Variants in ZPBP observed in about 807,000 individuals in gnomAD.
ZPBP encodes zona pellucida binding protein, also known as zona pellucida-binding protein 1.
ZPBP carries 26 observed loss-of-function variants against 44.8 expected under a neutral mutation model. That is an observed-to-expected ratio of 0.58 (90% CI 0.43 to 0.81). The LOEUF (loss-of-function observed/expected upper bound fraction) is 0.81. Ranked by LOEUF, ZPBP falls within the 30% of genes least tolerant of loss-of-function variation. ZPBP has a pLI of 0.00. For missense variants in ZPBP, 409 were observed against 434.0 expected (o/e 0.94, Z 0.51); for synonymous variants, 174 against 153.2 (o/e 1.14, Z -1.00).
intron 2 of ZPBP, among the ~76,000 whole-genome samples, chr7:49,883,479 C>T (rs946136902): frequency 5.3e-5 from 8 of 152,226 alleles, no homozygotes; most frequent in Admixed American, 2.6e-4. Context: ...TAGATTTAAA[C>T]TAACTCAGGG....
chr7:49,850,995 T>C (rs1347731508), intron 2 of ZPBP, among the ~76,000 whole-genome samples: 1 of 152,160 alleles, frequency 6.6e-6, no homozygotes, highest in African/African-American at 2.4e-5. Context: ...TTAAGGAATG[T>C]CAGTTTACTC....
downstream of ZPBP, among the ~76,000 whole-genome samples, chr7:49,936,548 C>T (rs542392104): frequency 8.3e-4 from 126 of 152,216 alleles, 1 homozygote; most frequent in Middle Eastern, 6.8e-3. Context: ...CATTTACAAA[C>T]GTTTATGTCT....
At chr7:49,916,817 G>A (rs1793749322) in intron 1 of ZPBP, 1 of 152,114 alleles carries the variant, frequency 6.6e-6, no homozygotes. Flanking sequence ...AAATATCTAA[G>A]TCACAGAACC....
intron 1 of ZPBP, among the ~76,000 whole-genome samples, chr7:49,924,848 C>G (rs1794171566): frequency 6.6e-6 from 1 of 152,170 alleles, no homozygotes; most frequent in Non-Finnish European, 1.5e-5. Context: ...AGGAACGACA[C>G]CCCAGTCTGT....
At chr7:50,055,695 T>C (rs1800908357) in intron 4 of ZPBP, among the ~76,000 whole-genome samples, 1 of 152,160 alleles carries the variant, frequency 6.6e-6, no homozygotes, top group South Asian at 2.1e-4. Flanking sequence ...ATTATATAAA[T>C]ATGGATTTTG....
At chr7:49,850,473 AG>A (rs1219849761), downstream of ZPBP, 1 of 152,242 alleles carries the variant, frequency 6.6e-6, no homozygotes, top group African/African-American at 2.4e-5. Context: ...AAGGAGTGGT[AG>A]CTTAGGCACA....
chr7:49,859,068 T>C (rs1033900359), intron 2 of ZPBP, among the ~76,000 whole-genome samples: 3 of 152,254 alleles, frequency 2.0e-5, no homozygotes, highest in South Asian at 2.1e-4. Flanking sequence ...TTGTTTTACA[T>C]TGTGGCCCAT....
At chr7:49,904,738 T>TG (rs1216842355) in intron 1 of ZPBP, among the ~76,000 whole-genome samples, 2 of 145,568 alleles carry the variant, frequency 1.4e-5, no homozygotes, top group East Asian at 3.9e-4. Flanking sequence ...ATATATTAAT[T>TG]TTTTTTTTTT....
rs184237432 is a variant in ZPBP at position 50,069,061 on chromosome 7, G to A, written c.335-10920C>T. 2.8e-3 allele frequency among the ~76,000 whole-genome samples: 431 copies of A among 152,266 alleles called. 2 individuals carry two copies. The highest frequency in any genetic ancestry group is 9.3e-3 in the African/African-American group (388 of 41,540). ...AGAGGCATAAGCATAACTTGGGCACGGCCAGATCTGAGACGGCCTGCCTGA... is the reference window on the plus strand; with the variant it reads ...AGAGGCATAAGCATAACTTGGGCACAGCCAGATCTGAGACGGCCTGCCTGA... On this transcript the variant is annotated intron_variant, in intron 3 of 7. Transcript: ENST00000046087.
intron 3 of ZPBP, among the ~76,000 whole-genome samples, chr7:50,063,385 C>T (rs79150178): frequency 2.0e-5 from 3 of 152,228 alleles, no homozygotes. Context: ...TATTTGCCAT[C>T]TCTTTGCGGA....
At position 50,041,224 on chromosome 7, in the gene ZPBP, G is replaced by C. The variant is rs1584102389; in HGVS notation, c.488-9914C>G. The stretch of plus-strand genomic sequence containing the variant: ...GCACCTGGGGGAAGGGGCAGCTGCG[G>C]GTGCAGCTTCAGCAGGCTTAACCGC... On this transcript the variant is annotated intron_variant, in intron 4 of 7. Coordinates refer to ENST00000046087, the MANE Select transcript of ZPBP (RefSeq NM_007009.3). 2.6e-5 allele frequency among the ~76,000 whole-genome samples: 4 copies of C among 152,278 alleles called. No homozygotes were observed. In the South Asian group the frequency reaches 8.3e-4, roughly 32 times the overall value.
rs1800211404 is a variant in ZPBP, at chr7:50,043,844, C to T, written c.488-12534G>A. 3.3e-5 allele frequency among the ~76,000 whole-genome samples: 5 copies of T among 152,148 alleles called. No homozygotes were observed. The South Asian group carries it at 6.2e-4, about 19-fold the overall frequency. On this transcript the variant is annotated intron_variant, in intron 4 of 7. Coordinates refer to ENST00000046087, the MANE Select transcript of ZPBP (RefSeq NM_007009.3). ...AACAGACATCTACAGAACTCTCCAC[C>T]CCACATCAACAGAATATACATCCTT...
Position 49,987,863 on chromosome 7 carries a change from A to T in ZPBP, c.784-4344T>A, listed in dbSNP as rs151289924. ...TTAAAAGGAAAATAAAAGCTGTGGG[A>T]CCTTTTAGTTCACGTGACATTAATT... On this transcript the variant is annotated intron_variant, in intron 6 of 7. Coordinates refer to ENST00000046087, the MANE Select transcript of ZPBP (RefSeq NM_007009.3). Among the ~76,000 whole-genome samples the T allele has an allele frequency of 5.1e-4, 78 of 152,184 alleles. 1 individual carries two copies. In the East Asian group the frequency reaches 0.013, roughly 26 times the overall value.
chr7:49,933,974 G>A (rs6957978), downstream of ZPBP, among the ~76,000 whole-genome samples: 106,955 of 143,266 alleles, frequency 0.75, 40,293 homozygotes, highest in East Asian at 0.89. Flanking sequence ...AATGGGTGCC[G>A]CACACCAACA....
At chr7:50,055,356 A>G (rs1800889833) in intron 4 of ZPBP, among the ~76,000 whole-genome samples, 1 of 152,216 alleles carries the variant, frequency 6.6e-6, no homozygotes, top group Non-Finnish European at 1.5e-5. Context: ...ATAATAAAAT[A>G]GAATCAATTG....
At chr7:49,957,778 G>A (rs570743417) in intron 7 of ZPBP, among the ~76,000 whole-genome samples, 20 of 152,204 alleles carry the variant, frequency 1.3e-4, no homozygotes, top group Non-Finnish European at 2.1e-4. Flanking sequence ...TTTTCAGAGA[G>A]TCTCCACTAC....
chr7:49,864,123 A>T (rs113787565), intron 2 of ZPBP, among the ~76,000 whole-genome samples: 1,651 of 152,004 alleles, frequency 0.011, 12 homozygotes, highest in Admixed American at 0.021. Flanking sequence ...CTGTTTTGTG[A>T]CTTTTCTTAA....
chr7:49,939,043 G>T (rs2128752440), intron 7 of ZPBP, among the ~76,000 whole-genome samples: 1 of 152,198 alleles, frequency 6.6e-6, no homozygotes, highest in East Asian at 1.9e-4. Flanking sequence ...AAACAAAGTA[G>T]ATTTATTTCC....
chr7:49,874,548 A>ATGTGTGTG (rs3062201), intron 2 of ZPBP, among the ~76,000 whole-genome samples: 1 of 147,644 alleles, frequency 6.8e-6, no homozygotes, highest in South Asian at 2.1e-4. Flanking sequence ...ATGACTATAT[A>ATGTGTGTG]TGTGTGTGTG....
Sources: gnomAD v4.1 joint callset for allele counts (sites outside exome capture counted in the v4.1 genomes callset) on GRCh38, gnomAD v4.1.1 for gene constraint, MANE v1.5 for transcripts, NCBI Gene and HGNC (gene_info 2026-07-23, HGNC 2026-07-21) for gene names.